The following TBL1X variants were observed in gnomAD, a reference collection of about 807,000 sequenced individuals.
TBL1X encodes transducin beta like 1 X-linked.
In TBL1X, 10 loss-of-function variants were observed where a neutral mutation model predicts 50.7. The observed-to-expected ratio is 0.20, with a 90% CI of 0.12 to 0.33. The LOEUF (loss-of-function observed/expected upper bound fraction) is 0.33, where lower values mean the gene tolerates loss of function less well. TBL1X is among the 10% of genes least tolerant of loss of function. The pLI is 1.00. For synonymous variants in TBL1X, 190 were observed against 214.7 expected (o/e 0.88, Z 1.01); for missense variants, 340 against 504.4 (o/e 0.67, Z 3.12).
intron 5 of TBL1X, among the ~76,000 whole-genome samples, chrX:9,673,648 C>G (rs1217128830): frequency 8.9e-6 from 1 of 112,096 alleles, no homozygotes; most frequent in African/African-American, 3.2e-5. Flanking sequence ...TCTATATCTA[C>G]CTATAGATGC....
At chrX:9,653,781 TC>T in intron 4 of TBL1X, 92 bp downstream of exon 4, 2 of 810,425 alleles carry the variant, frequency 2.5e-6, no homozygotes, top group Non-Finnish European at 3.5e-6. Context: ...TCTCCATGTG[TC>T]CAGAAAAGTG....
intron 5 of TBL1X, among the ~76,000 whole-genome samples, chrX:9,660,636 G>A (rs1049853095): frequency 9.0e-6 from 1 of 111,723 alleles, no homozygotes; most frequent in African/African-American, 3.3e-5. Flanking sequence ...CTCCATTAAC[G>A]TCACCAAACA....
chrX:9,584,565 A>G (rs1165523013), intron 2 of TBL1X, among the ~76,000 whole-genome samples: 1 of 111,968 alleles, frequency 8.9e-6, no homozygotes, highest in Non-Finnish European at 1.9e-5. Flanking sequence ...GATTTTAGAG[A>G]TGGGGTAGTA....
intron 2 of TBL1X, among the ~76,000 whole-genome samples, chrX:9,589,039 A>AC (rs775064648): frequency 1.5e-4 from 17 of 111,485 alleles, no homozygotes; most frequent in Non-Finnish European, 2.8e-4. Flanking sequence ...TGCTGTGAAT[A>AC]CCCCAGGGCA....
chrX:9,628,511 T>C (rs1490516510), intron 2 of TBL1X, among the ~76,000 whole-genome samples: 15 of 111,985 alleles, frequency 1.3e-4, no homozygotes, highest in African/African-American at 4.9e-4. Flanking sequence ...GCTTCACATA[T>C]TGAAGACTCA....
chrX:9,479,904 C>T lies in TBL1X; in HGVS notation c.-201+14457C>T, dbSNP rs146726433. On this transcript the variant is annotated intron_variant, in intron 1 of 17. Coordinates refer to ENST00000645353, the MANE Select transcript of TBL1X (RefSeq NM_005647.4). ...CGTATAATTGAGACTACTGGAGAAA[C>T]AGTTTTACATGCAAGGCGTAGAAGG... Among the ~76,000 whole-genome samples, 425 of 96,552 alleles carry T rather than the reference C, an allele frequency of 4.4e-3. 3 individuals carry two copies. Among genetic ancestry groups the T allele is most frequent in the African/African-American group, 0.016 (395 of 25,084 alleles). The allele number at this position is 96,552 out of a possible 115,157, so 83.8% of individuals were successfully genotyped here.
chrX:9,507,865 G>A (rs2082034104), intron 2 of TBL1X, among the ~76,000 whole-genome samples: 2 of 112,230 alleles, frequency 1.8e-5, no homozygotes, highest in Admixed American at 1.9e-4. Flanking sequence ...TTCAGTAAAT[G>A]GTGCTGGGAA....
intron 2 of TBL1X, among the ~76,000 whole-genome samples, chrX:9,537,081 T>C (rs1052353155): frequency 8.9e-6 from 1 of 111,928 alleles, no homozygotes; most frequent in African/African-American, 3.3e-5. Flanking sequence ...CATTTGGTAC[T>C]TGTTGCCATG....
chrX:9,495,701 C>T (rs927191706), intron 1 of TBL1X, among the ~76,000 whole-genome samples: 3 of 111,782 alleles, frequency 2.7e-5, no homozygotes, highest in Admixed American at 9.5e-5. Flanking sequence ...ATCTAACGCA[C>T]GTATTTTCCC....
In TBL1X at chrX:9,653,697, G is replaced by C; in HGVS notation, c.103+8G>C. 8.6e-7 allele frequency: 1 copy of C among 1,162,255 alleles called. No individual in the cohort carries two copies. The highest frequency in any genetic ancestry group is 1.9e-5 in the South Asian group (1 of 52,515). ...AACGTTTGCGAGGGAGAGGTACTGC[G>C]GTTCCTCATGTGGCCAGGACCGTGT... is the stretch of plus-strand genomic sequence containing the variant. On this transcript the variant is annotated splice_region_variant and intron_variant, in intron 4 of 17. Transcript: ENST00000645353.
chrX:9,626,066 T>G (rs1234292243), intron 2 of TBL1X, among the ~76,000 whole-genome samples: 2 of 112,269 alleles, frequency 1.8e-5, no homozygotes, highest in Non-Finnish European at 3.8e-5. Context: ...GGTCTCCTTG[T>G]CTTTGAGATG....
intron 2 of TBL1X, among the ~76,000 whole-genome samples, chrX:9,562,392 G>C (rs1008551897): frequency 8.9e-6 from 1 of 112,108 alleles, no homozygotes; most frequent in East Asian, 2.8e-4. Context: ...GCAGCTGATA[G>C]CTTGTTAAAA....
chrX:9,683,890 A>G (rs2083040454), intron 5 of TBL1X, 153 bp from the exon 6 acceptor site: 2 of 870,013 alleles, frequency 2.3e-6, no homozygotes, highest in South Asian at 2.3e-5. Flanking sequence ...TACTGAACCC[A>G]AATCAGAAGC....
chrX:9,515,045 G>C (rs1486431016), intron 2 of TBL1X, among the ~76,000 whole-genome samples: 1 of 110,818 alleles, frequency 9.0e-6, no homozygotes, highest in Non-Finnish European at 1.9e-5. Flanking sequence ...GTGTGTATGG[G>C]GTGTGCTCCT....
At chrX:9,511,819 TG>T (rs1284334307) in intron 2 of TBL1X, among the ~76,000 whole-genome samples, 1 of 112,384 alleles carries the variant, frequency 8.9e-6, no homozygotes, top group Non-Finnish European at 1.9e-5. Context: ...AATAGTCATT[TG>T]GGAAGAAAAT....
chrX:9,671,799 C>T (rs1457782480), intron 5 of TBL1X, among the ~76,000 whole-genome samples: 1 of 112,234 alleles, frequency 8.9e-6, no homozygotes, highest in South Asian at 3.7e-4. Flanking sequence ...CATAACTGTG[C>T]TAGTTGCAAA....
At chrX:9,685,786 A>G (rs2083055731) in intron 6 of TBL1X, among the ~76,000 whole-genome samples, 1 of 98,237 alleles carries the variant, frequency 1.0e-5, no homozygotes, top group Non-Finnish European at 2.0e-5. Flanking sequence ...ACAGTGGTAC[A>G]ATCATAGCTC....
rs1268308609 is a variant in TBL1X at position 9,693,398 on chromosome X, T to G, written c.1032T>G (p.Ile344Met). The G allele has an allele frequency of 1.7e-6, 2 of 1,208,705 alleles. No homozygotes were observed. The highest frequency in any genetic ancestry group is 2.2e-6 in the Non-Finnish European group (2 of 893,531). The change falls in exon 11 of 18, where the codon ATT becomes ATG. Residue 344 changes from isoleucine (I) to methionine (M), a missense_variant. Ile to Met is a conservative substitution (Grantham distance 10). This residue lies in a region of TBL1X where 170 missense variants were observed against 272.6 expected (regional missense o/e 0.62). Coordinates refer to ENST00000645353, the MANE Select transcript of TBL1X (RefSeq NM_005647.4). ...ALKWNRKGNY[I>M]LSAGVDKTTI... ...AATGGAACCGAAAGGGGAATTACAT[T>G]TTGAGTGCTGGTGTAGACAAAGTGA... is the stretch of plus-strand genomic sequence containing the variant.
intron 2 of TBL1X, among the ~76,000 whole-genome samples, chrX:9,535,701 A>G (rs1488617803): frequency 8.9e-6 from 1 of 112,168 alleles, no homozygotes; most frequent in Non-Finnish European, 1.9e-5. Flanking sequence ...TGCCCTTTAT[A>G]TTTTACTTGT....
Sources: gnomAD v4.1 joint callset for allele counts (sites outside exome capture counted in the v4.1 genomes callset) on GRCh38, gnomAD v4.1.1 for gene constraint, gnomAD v4.1.1 regional missense constraint, MANE v1.5 for transcripts, NCBI Gene and HGNC (gene_info 2026-07-23, HGNC 2026-07-21) for gene names.